PAXIP1: variants seen among roughly 807,000 people sequenced by gnomAD.
The protein encoded by PAXIP1 is PAX interacting protein 1, also known as PAX-interacting protein 1.
In PAXIP1, 19 loss-of-function variants were observed where a neutral mutation model predicts 140.6. The observed-to-expected ratio is 0.14, with a 90% CI of 0.09 to 0.20. The LOEUF (loss-of-function observed/expected upper bound fraction) is 0.20. Ranked by LOEUF, PAXIP1 falls within the 10% of genes least tolerant of loss-of-function variation. PAXIP1 has a pLI of 1.00. For missense variants in PAXIP1, 920 were observed against 1,208.6 expected, an observed-to-expected ratio of 0.76 and a Z score of 3.54; for synonymous variants, 442 against 444.6, an observed-to-expected ratio of 0.99 and a Z score of 0.07.
At chr7:155,002,779 CG>C in intron 1 of PAXIP1, 69 bp downstream of exon 1, 2 of 816,302 alleles carry the variant, frequency 2.5e-6, no homozygotes, top group South Asian at 2.8e-5. Flanking sequence ...GGAGCGGGGA[CG>C]GGGACGGGGA....
Position 154,976,438 on chromosome 7 carries a change from T to C in PAXIP1, c.439-107A>G, listed in dbSNP as rs73493727. ...TCAGTCAAGGAATGCAGTTGAAATG[T>C]TGAGCAACTATTATTACAATTTTAT... is the stretch of plus-strand genomic sequence containing the variant. On this transcript the variant is annotated intron_variant, in intron 5 of 20. Transcript: ENST00000404141. 1,367 of 1,413,866 alleles carry C rather than the reference T, an allele frequency of 9.7e-4. 12 individuals are homozygous for C. The African/African-American group carries it at 0.017, about 18-fold the overall frequency. The allele number at this position is 1,413,866 out of a possible 1,614,324, so 87.6% of individuals were successfully genotyped here.
chr7:154,979,643 A>ATATT (rs4061161), intron 5 of PAXIP1, among the ~76,000 whole-genome samples: 90,987 of 149,710 alleles, frequency 0.61, 27,732 homozygotes, highest in Admixed American at 0.7. Flanking sequence ...GAACATAATT[A>ATATT]TATTATGTTA....
intron 3 of PAXIP1, among the ~76,000 whole-genome samples, chr7:154,991,924 G>GA (rs1392437343): frequency 6.6e-6 from 1 of 152,116 alleles, no homozygotes; most frequent in African/African-American, 2.4e-5. Context: ...TTCCAAGTTT[G>GA]AAGTCTCCTA....
At chr7:154,944,288 A>G (rs1807824321) in intron 20 of PAXIP1, 124 bp from the exon 21 acceptor site, 12 of 766,096 alleles carry the variant, frequency 1.6e-5, no homozygotes, top group Non-Finnish European at 2.5e-5. Flanking sequence ...CCTCTTTCTT[A>G]CCCATTCAAA....
At position 154,970,535 on chromosome 7, in the gene PAXIP1, T is replaced by C. The variant is rs992823671; in HGVS notation, c.1075-1409A>G. Among the ~76,000 whole-genome samples, 3 of 152,200 alleles carry C rather than the reference T, an allele frequency of 2.0e-5. No homozygotes were observed. The East Asian group carries it at 5.8e-4, about 29-fold the overall frequency. On this transcript the variant is annotated intron_variant, in intron 6 of 20. Transcript: ENST00000404141. ...CTGAGTGGAACTCTAAGCAGAAAAA[T>C]GTCTTTTAAACAAAATAATAAGACA...
intron 6 of PAXIP1, among the ~76,000 whole-genome samples, chr7:154,970,049 C>A (rs1809226995): frequency 6.6e-6 from 1 of 152,136 alleles, no homozygotes; most frequent in African/African-American, 2.4e-5. Flanking sequence ...CAGATGCCCA[C>A]CAAGCAGAGT....
At chr7:154,957,722 C>G (rs1808582502) in intron 13 of PAXIP1, among the ~76,000 whole-genome samples, 1 of 151,290 alleles carries the variant, frequency 6.6e-6, no homozygotes, top group Non-Finnish European at 1.5e-5. Context: ...AATCCCAGCA[C>G]TTTGGGAGGC....
At chr7:154,983,490 C>A in intron 4 of PAXIP1, 158 bp from the exon 5 acceptor site, 1 of 547,972 alleles carries the variant, frequency 1.8e-6, no homozygotes, top group Non-Finnish European at 3.2e-6. Context: ...TAGCTATCTG[C>A]TTATTATAAC....
In PAXIP1 at chr7:154,998,643, T is replaced by C; in HGVS notation, c.216+7A>G. 6.2e-7 allele frequency: 1 copy of C among 1,611,472 alleles called. No homozygotes were observed. The highest frequency in any genetic ancestry group is 8.5e-7 in the Non-Finnish European group (1 of 1,177,846). ...AAGATATAAAACAAATTATGTTTAC[T>C]ACTGACCTTTACAACAGGTAAGTCA... On this transcript the variant is annotated splice_region_variant and intron_variant, in intron 2 of 20. Coordinates refer to ENST00000404141, the MANE Select transcript of PAXIP1 (RefSeq NM_007349.4).
intron 13 of PAXIP1, among the ~76,000 whole-genome samples, 176 bp from the exon 14 acceptor site, chr7:154,957,470 G>C (rs1335483549): frequency 1.3e-5 from 2 of 152,160 alleles, no homozygotes; most frequent in Non-Finnish European, 2.9e-5. Flanking sequence ...AATGCAAGTG[G>C]GGAGAAGCAG....
At chr7:154,967,937 A>C in intron 7 of PAXIP1, 27 bp from the exon 8 acceptor site, 1 of 1,515,054 alleles carries the variant, frequency 6.6e-7, no homozygotes, top group Non-Finnish European at 9.1e-7. Context: ...TAAGAAAAAG[A>C]AAATTAAAAC....
At chr7:155,001,189 AC>A (rs1045193012) in intron 1 of PAXIP1, 1 of 152,190 alleles carries the variant, frequency 6.6e-6, no homozygotes, top group Non-Finnish European at 1.5e-5. Context: ...TTTGCCAAGG[AC>A]ATTTTTAAGC....
chr7:154,990,435 C>G (rs577978937), intron 4 of PAXIP1, among the ~76,000 whole-genome samples: 1 of 152,336 alleles, frequency 6.6e-6, no homozygotes, highest in East Asian at 1.9e-4. Context: ...TAGGAAACTG[C>G]TGTACTCCCA....
chr7:154,985,377 C>T (rs1810022922), intron 4 of PAXIP1, among the ~76,000 whole-genome samples: 1 of 152,096 alleles, frequency 6.6e-6, no homozygotes, highest in Non-Finnish European at 1.5e-5. Flanking sequence ...CCCATAGTGT[C>T]CAGGCCCTTC....
Position 154,962,327 on chromosome 7 carries a change from T to G in PAXIP1, c.2121A>C (p.Ser707=). The G allele has an allele frequency of 6.2e-7, 1 of 1,613,746 alleles. No homozygotes were observed. The highest frequency in any genetic ancestry group is 8.5e-7 in the Non-Finnish European group (1 of 1,179,814). ...CGCGAGGACTCTGTCTTACATGCTG[T>G]GAACATGGCTTTCCTCCTGGTGGGA... is the stretch of plus-strand genomic sequence containing the variant. ...VAFPPGGKPC[S]QHIISVTGFV... is the part of the protein sequence containing the mutation. The change falls in exon 10 of 21, where the codon TCA becomes TCC. Residue 707 remains serine, a synonymous_variant. Coordinates refer to ENST00000404141, the MANE Select transcript of PAXIP1 (RefSeq NM_007349.4).
At chr7:154,962,244 A>G in intron 10 of PAXIP1, 77 bp downstream of exon 10, 1 of 1,488,378 alleles carries the variant, frequency 6.7e-7, no homozygotes, top group Non-Finnish European at 9.3e-7. Flanking sequence ...CAGGAGCCTC[A>G]GGTAAGCACT....
chr7:154,959,647 C>T (rs577706405), intron 13 of PAXIP1, among the ~76,000 whole-genome samples: 5 of 152,290 alleles, frequency 3.3e-5, no homozygotes, highest in Admixed American at 6.5e-5. Context: ...TCAAGAGACC[C>T]GGGACTCCTT....
At chr7:154,962,242 T>C in intron 10 of PAXIP1, 79 bp downstream of exon 10, 1 of 1,501,150 alleles carries the variant, frequency 6.7e-7, no homozygotes, top group Non-Finnish European at 9.2e-7. Context: ...CGCAGGAGCC[T>C]CAGGTAAGCA....
chr7:154,957,140 T>C (rs1808549758), intron 14 of PAXIP1, 84 bp downstream of exon 14: 1 of 673,032 alleles, frequency 1.5e-6, no homozygotes, highest in Non-Finnish European at 2.6e-6. Flanking sequence ...CAAAACATTT[T>C]AGAAACTTTC....
Sources: allele counts gnomAD v4.1 joint callset (sites outside exome capture counted in the v4.1 genomes callset), GRCh38; gene constraint gnomAD v4.1.1; transcripts MANE v1.5; gene names NCBI Gene and HGNC (gene_info 2026-07-23, HGNC 2026-07-21).